Variants in TANC1 observed in about 807,000 individuals in gnomAD.
TANC1 encodes protein TANC1.
In TANC1, 77 loss-of-function variants were observed where a neutral mutation model predicts 149.7. The ratio of observed to expected loss-of-function variants is 0.51; its 90% CI spans 0.43 to 0.62. The LOEUF (loss-of-function observed/expected upper bound fraction) is 0.62, where lower values mean the gene tolerates loss of function less well. Ranked by LOEUF, TANC1 falls within the 20% of genes least tolerant of loss-of-function variation. The pLI, the probability that TANC1 is intolerant of heterozygous loss-of-function variation, is 0.00. For synonymous variants in TANC1, 854 were observed against 925.0 expected, an observed-to-expected ratio of 0.92 and a Z score of 1.39; for missense variants, 1,985 against 2,321.8, an observed-to-expected ratio of 0.85 and a Z score of 2.98.
chr2:158,992,669 A>ATTTTTTTTTTTTTTTTT (rs70994251), intron 1 of TANC1, among the ~76,000 whole-genome samples: 1 of 112,480 alleles, frequency 8.9e-6, no homozygotes, highest in African/African-American at 3.5e-5. Flanking sequence ...TGCCCAGCTA[A>ATTTTTTTTTTTTTTTTT]TTTTTTTTTT....
intron 2 of TANC1, among the ~76,000 whole-genome samples, chr2:159,030,709 T>C (rs1022994887): frequency 3.3e-5 from 5 of 152,174 alleles, no homozygotes; most frequent in African/African-American, 4.8e-5. Context: ...TTTCTCAGTT[T>C]GTTGTTGGGG....
chr2:159,074,904 G>T (rs2043505613), intron 3 of TANC1, among the ~76,000 whole-genome samples: 1 of 152,000 alleles, frequency 6.6e-6, no homozygotes, highest in South Asian at 2.1e-4. Flanking sequence ...AAGTTTTCTG[G>T]TATCTCTTCT....
intron 19 of TANC1, among the ~76,000 whole-genome samples, chr2:159,202,413 T>G (rs973637622): frequency 6.6e-5 from 10 of 152,226 alleles, no homozygotes; most frequent in African/African-American, 2.4e-4. Flanking sequence ...TTAGAAAACT[T>G]GCAGACTGTC....
intron 14 of TANC1, among the ~76,000 whole-genome samples, chr2:159,184,208 T>C (rs1422740994): frequency 2.0e-5 from 3 of 152,214 alleles, no homozygotes; most frequent in Non-Finnish European, 4.4e-5. Flanking sequence ...TTCAATTAGG[T>C]TTCTGCATCT....
intron 2 of TANC1, among the ~76,000 whole-genome samples, chr2:159,029,739 A>T (rs2039635950): frequency 6.6e-6 from 1 of 151,996 alleles, no homozygotes; most frequent in Admixed American, 6.6e-5. Flanking sequence ...AATTTTAAAA[A>T]TTTTGTGTAG....
intron 2 of TANC1, among the ~76,000 whole-genome samples, chr2:159,005,687 T>C (rs923031978): frequency 1.3e-5 from 2 of 151,912 alleles, no homozygotes; most frequent in African/African-American, 4.8e-5. Flanking sequence ...AATTTTGTTA[T>C]GAGGATTAAA....
intron 3 of TANC1, among the ~76,000 whole-genome samples, chr2:159,068,532 GA>G (rs2149708222): frequency 6.6e-6 from 1 of 152,056 alleles, no homozygotes; most frequent in African/African-American, 2.4e-5. Flanking sequence ...TGAGAATTTG[GA>G]AAAATGCAGT....
At chr2:158,980,098 T>C (rs1048424129) in intron 1 of TANC1, among the ~76,000 whole-genome samples, 1 of 152,176 alleles carries the variant, frequency 6.6e-6, no homozygotes, top group African/African-American at 2.4e-5. Context: ...AGTTAACAGG[T>C]GTTACGCAGG....
At chr2:159,131,473 G>A (rs1323010735) in intron 4 of TANC1, among the ~76,000 whole-genome samples, 2 of 151,940 alleles carry the variant, frequency 1.3e-5, no homozygotes, top group Admixed American at 6.5e-5. Flanking sequence ...TGCTGTCACC[G>A]AGGCTCTGGC....
intron 19 of TANC1, among the ~76,000 whole-genome samples, chr2:159,204,666 G>C (rs973925674): frequency 6.6e-6 from 1 of 152,216 alleles, no homozygotes; most frequent in Non-Finnish European, 1.5e-5. Flanking sequence ...CCAGGGCTAC[G>C]CTTCCCTAAT....
intron 4 of TANC1, among the ~76,000 whole-genome samples, chr2:159,114,236 T>TCC (rs2048019990): frequency 6.6e-6 from 1 of 152,092 alleles, no homozygotes; most frequent in African/African-American, 2.4e-5. Context: ...CCAACTGTCC[T>TCC]CCTGAGGGGA....
chr2:159,229,472 C>T lies in TANC1; in HGVS notation c.4152-106C>T, dbSNP rs115807123. On this transcript the variant is annotated intron_variant, in intron 26 of 26. Coordinates refer to ENST00000263635, the MANE Select transcript of TANC1 (RefSeq NM_033394.3). ...GCCACCACCGTAAGTGTTCAAAACT[C>T]ACTTGCTACCTTCTCTTTCCTTTGA... 1.7e-3 allele frequency: 1,709 copies of T among 1,001,254 alleles called. 20 individuals carry two copies. The African/African-American group carries it at 0.024, about 14-fold the overall frequency. 62.0% of individuals were successfully genotyped at this position (1,001,254 alleles called of 1,614,324 possible).
chr2:159,043,430 G>A (rs142841871), intron 2 of TANC1, among the ~76,000 whole-genome samples: 1 of 152,208 alleles, frequency 6.6e-6, no homozygotes, highest in Non-Finnish European at 1.5e-5. Context: ...TGCTTTGACA[G>A]GCCAGGTATT....
chr2:159,059,941 G>A (rs1372407036), intron 2 of TANC1, among the ~76,000 whole-genome samples: 1 of 102,010 alleles, frequency 9.8e-6, no homozygotes, highest in Admixed American at 1.1e-4. Flanking sequence ...GTTTTTTGTT[G>A]TTGTTGTTTT....
At chr2:159,073,261 A>G (rs2043316007) in intron 3 of TANC1, among the ~76,000 whole-genome samples, 1 of 152,170 alleles carries the variant, frequency 6.6e-6, no homozygotes, top group Non-Finnish European at 1.5e-5. Flanking sequence ...TAAAGGATGA[A>G]AGAGTTAGGG....
At chr2:159,222,538 C>T (rs765131772) in intron 22 of TANC1, among the ~76,000 whole-genome samples, 1 of 152,130 alleles carries the variant, frequency 6.6e-6, no homozygotes, top group Non-Finnish European at 1.5e-5. Flanking sequence ...CCAGGTTCAC[C>T]CATGTTGTAG....
At chr2:159,059,357 T>G (rs1014531619) in intron 2 of TANC1, among the ~76,000 whole-genome samples, 2 of 151,916 alleles carry the variant, frequency 1.3e-5, no homozygotes, top group Non-Finnish European at 2.9e-5. Flanking sequence ...AATAAGCAGC[T>G]GGGCTTGGTG....
chr2:159,037,652 A>G (rs2040301481), intron 2 of TANC1, among the ~76,000 whole-genome samples: 1 of 152,200 alleles, frequency 6.6e-6, no homozygotes, highest in Non-Finnish European at 1.5e-5. Flanking sequence ...TTTGTCAAAG[A>G]TCAGATGGTT....
intron 1 of TANC1, among the ~76,000 whole-genome samples, chr2:158,979,873 A>C (rs996178541): frequency 6.6e-6 from 1 of 152,248 alleles, no homozygotes; most frequent in African/African-American, 2.4e-5. Flanking sequence ...CTGACTTATA[A>C]ATCAAAACAT....
Sources: allele counts gnomAD v4.1 joint callset (sites outside exome capture counted in the v4.1 genomes callset), GRCh38; gene constraint gnomAD v4.1.1; transcripts MANE v1.5; gene names NCBI Gene and HGNC (gene_info 2026-07-23, HGNC 2026-07-21).